JADE3: variants seen among roughly 807,000 people sequenced by gnomAD.
JADE3 encodes protein Jade-3.
Under a neutral mutation model 50.1 loss-of-function variants are expected in JADE3, and 2 were observed. The ratio of observed to expected loss-of-function variants is 0.04; its 90% confidence interval spans 0.02 to 0.13. The LOEUF (loss-of-function observed/expected upper bound fraction) is 0.13. Ranked by LOEUF, JADE3 falls within the 10% of genes least tolerant of loss-of-function variation. JADE3 has a pLI of 1.00. For missense variants in JADE3, 475 were observed against 634.4 expected, an observed-to-expected ratio of 0.75 and a Z score of 2.70; for synonymous variants, 218 against 232.9, an observed-to-expected ratio of 0.94 and a Z score of 0.58.
At chrX:46,924,883 A>T (rs1289042546) in intron 1 of JADE3, among the ~76,000 whole-genome samples, 1 of 112,083 alleles carries the variant, frequency 8.9e-6, no homozygotes, top group African/African-American at 3.2e-5. Flanking sequence ...GTTAGTGACC[A>T]TGTTTTTGTC....
At chrX:46,958,439 A>C (rs1349670153) in intron 1 of JADE3, among the ~76,000 whole-genome samples, 2 of 111,865 alleles carry the variant, frequency 1.8e-5, no homozygotes, top group Non-Finnish European at 1.9e-5. Flanking sequence ...GTTTTGATCA[A>C]GATAGGGCCA....
intron 1 of JADE3, among the ~76,000 whole-genome samples, chrX:46,947,251 C>G (rs1926903462): frequency 9.0e-6 from 1 of 111,383 alleles, no homozygotes; most frequent in Non-Finnish European, 1.9e-5. Flanking sequence ...AACTCCTGGC[C>G]TCAAGTGATC....
Position 46,956,682 on chromosome X carries a change from A to G in JADE3, c.-11-28202A>G, listed in dbSNP as rs77891234. Among the ~76,000 whole-genome samples the G allele has an allele frequency of 4.8e-3, 522 of 109,325 alleles. 3 individuals are homozygous for G. Among genetic ancestry groups the G allele is most frequent in the Non-Finnish European group, 7.5e-3 (395 of 52,360 alleles). The allele number at this position is 109,325 out of a possible 115,157, so 94.9% of individuals were successfully genotyped here. ...GCTGGTACTGCAGGTGTGCATCACT[A>G]TGCCCAGCTACTTTCTTCCTTCCCT... On this transcript the variant is annotated intron_variant, in intron 1 of 10. Coordinates refer to ENST00000614628, the MANE Select transcript of JADE3 (RefSeq NM_014735.5).
chrX:46,999,487 A>ACATATATATACATATATAATATAT (rs1556358444), intron 4 of JADE3, among the ~76,000 whole-genome samples: 1 of 103,205 alleles, frequency 9.7e-6, no homozygotes, highest in Admixed American at 1.1e-4. Flanking sequence ...ATATATATAA[A>ACATATATATACATATATAATATAT]ATAGGGTCTT....
intron 4 of JADE3, among the ~76,000 whole-genome samples, chrX:47,001,270 T>C (rs1308937150): frequency 8.9e-6 from 1 of 111,755 alleles, no homozygotes; most frequent in African/African-American, 3.3e-5. Flanking sequence ...AACAGATTTC[T>C]TAACCTCACC....
chrX:46,947,638 GC>G (rs1926912092), intron 1 of JADE3, among the ~76,000 whole-genome samples: 1 of 111,427 alleles, frequency 9.0e-6, no homozygotes, highest in Non-Finnish European at 1.9e-5. Flanking sequence ...ATATTGATGA[GC>G]TTTTTTGGCT....
intron 6 of JADE3, 128 bp from the exon 7 acceptor site, chrX:47,033,493 T>G: frequency 1.9e-6 from 1 of 516,969 alleles, no homozygotes; most frequent in Non-Finnish European, 3.1e-6. Context: ...ATACTGGATA[T>G]AAGCTTGTTC....
chrX:46,929,119 T>C (rs1926437497), intron 1 of JADE3, among the ~76,000 whole-genome samples: 1 of 111,591 alleles, frequency 9.0e-6, no homozygotes, highest in South Asian at 3.8e-4. Flanking sequence ...TTTCTAGCCT[T>C]CCTCATGATT....
rs1929766323 is a variant in JADE3, at chrX:47,060,963, C to G, written c.*1886C>G. On this transcript the variant is annotated 3_prime_UTR_variant, in exon 11 of 11. Transcript: ENST00000614628. ...CTTCAGCCAAATTCCATATGTAATG[C>G]CATTGGGAGAGTATTGACTAAAATA... 8.9e-6 allele frequency: 1 copy of G among 111,779 alleles called. No homozygotes were observed. The highest frequency in any genetic ancestry group is 3.3e-5 in the African/African-American group (1 of 30,681). 9.2% of individuals were successfully genotyped at this position (111,779 alleles called of 1,213,427 possible).
At chrX:47,018,630 G>A (rs1414480045) in intron 4 of JADE3, among the ~76,000 whole-genome samples, 1 of 111,838 alleles carries the variant, frequency 8.9e-6, no homozygotes, top group Non-Finnish European at 1.9e-5. Flanking sequence ...CGCCGCGCCC[G>A]GCCCAGAGCA....
chrX:46,955,156 A>G (rs1469735197), intron 1 of JADE3, among the ~76,000 whole-genome samples: 1 of 112,574 alleles, frequency 8.9e-6, no homozygotes, highest in African/African-American at 3.2e-5. Flanking sequence ...GGCCCTCCTC[A>G]TAGAAGTGAT....
intron 8 of JADE3, among the ~76,000 whole-genome samples, chrX:47,045,974 TAAA>T (rs1929361258): frequency 9.0e-6 from 1 of 110,817 alleles, no homozygotes; most frequent in African/African-American, 3.3e-5. Flanking sequence ...TGATGCATCT[TAAA>T]GAACTAGAAA....
At chrX:46,927,046 A>G (rs186846400) in intron 1 of JADE3, among the ~76,000 whole-genome samples, 5 of 112,351 alleles carry the variant, frequency 4.5e-5, no homozygotes, top group South Asian at 7.4e-4. Context: ...GAATTGTACT[A>G]CCATTCATGG....
intron 1 of JADE3, among the ~76,000 whole-genome samples, chrX:46,974,146 G>C (rs1927559440): frequency 9.0e-6 from 1 of 111,023 alleles, no homozygotes; most frequent in African/African-American, 3.3e-5. Context: ...GCTCACGCCT[G>C]TAATCCCAGC....
chrX:47,038,483 A>G (rs1425082015), intron 7 of JADE3, among the ~76,000 whole-genome samples: 1 of 110,001 alleles, frequency 9.1e-6, no homozygotes, highest in African/African-American at 3.3e-5. Context: ...CCTCACCAGC[A>G]TTTGTTATTG....
At chrX:46,982,118 C>T (rs1394634945) in intron 1 of JADE3, among the ~76,000 whole-genome samples, 2 of 111,451 alleles carry the variant, frequency 1.8e-5, no homozygotes, top group African/African-American at 6.5e-5. Context: ...TGTTGATGAA[C>T]TTAATGATGT....
intron 1 of JADE3, among the ~76,000 whole-genome samples, chrX:46,966,486 G>T (rs1347257942): frequency 9.0e-6 from 1 of 110,879 alleles, no homozygotes; most frequent in African/African-American, 3.3e-5. Context: ...CCTACAAGAT[G>T]GTTAGAGGAA....
At position 47,060,232 on chromosome X, in the gene JADE3, A is replaced by T. The variant is rs1458493316; in HGVS notation, c.*1155A>T. The T allele has an allele frequency of 1.4e-4, 8 of 56,265 alleles. No individual in the cohort carries two copies. Among genetic ancestry groups the T allele is most frequent in the African/African-American group, 7.3e-4 (8 of 11,034 alleles). The allele number at this position is 56,265 out of a possible 1,213,427, so 4.6% of individuals were successfully genotyped here. Reference sequence around the variant, plus strand: ...TTTCTAGTAGGAAGAGAATAATTACATTTGCGGGGGGGGGGGTGGATAAAA... The same window carrying T: ...TTTCTAGTAGGAAGAGAATAATTACTTTTGCGGGGGGGGGGGTGGATAAAA... On this transcript the variant is annotated 3_prime_UTR_variant, in exon 11 of 11. Coordinates refer to ENST00000614628, the MANE Select transcript of JADE3 (RefSeq NM_014735.5).
chrX:46,932,634 T>C (rs1467178859), intron 1 of JADE3, among the ~76,000 whole-genome samples: 2 of 111,895 alleles, frequency 1.8e-5, no homozygotes, highest in African/African-American at 6.5e-5. Flanking sequence ...TCATGACCCA[T>C]CCTGTACAGA....
Sources: gnomAD v4.1 joint callset for allele counts (sites outside exome capture counted in the v4.1 genomes callset) on GRCh38, gnomAD v4.1.1 for gene constraint, MANE v1.5 for transcripts, NCBI Gene and HGNC (gene_info 2026-07-23, HGNC 2026-07-21) for gene names.